GYPC: variants seen among roughly 807,000 people sequenced by gnomAD.
The protein encoded by GYPC is glycophorin-C.
GYPC carries 14 observed loss-of-function variants against 12.6 expected under a neutral mutation model. The ratio of observed to expected loss-of-function variants is 1.11; its 90% CI spans 0.74 to 1.74. The LOEUF is 1.74. Among genes scored for constraint, GYPC ranks in the 40% most tolerant of loss-of-function variants. GYPC has a pLI of 0.00. For missense variants in GYPC, 225 were observed against 172.1 expected (o/e 1.31, Z -1.72); for synonymous variants, 78 against 62.1 (o/e 1.26, Z -1.20).
rs1004586747 is a variant in GYPC at position 126,663,678 on chromosome 2, G to C, written c.49+7366G>C. Among the ~76,000 whole-genome samples the C allele has an allele frequency of 5.9e-5, 9 of 152,188 alleles. 1 individual carries two copies. The highest frequency in any genetic ancestry group is 1.3e-4 in the Non-Finnish European group (9 of 68,030). On this transcript the variant is annotated intron_variant, in intron 1 of 3. Transcript: ENST00000259254. ...TGTAGGCAAACAAGGTCTGCAAAGA[G>C]TGCCCTGGGCCCCAGCATTCACTGC...
chr2:126,690,357 C>T lies in GYPC; in HGVS notation c.106+46C>T, dbSNP rs377146080. 60 of 1,363,576 alleles carry T rather than the reference C, an allele frequency of 4.4e-5. 1 individual carries two copies. The highest frequency in any genetic ancestry group is 2.0e-4 in the Admixed American group (12 of 59,636). 84.5% of individuals were successfully genotyped at this position (1,363,576 alleles called of 1,614,324 possible). ...CTCACCATAATGGAAACTGCCGTGACTTCAGATGAGCTCTCATCACAGAGC... is the reference window on the plus strand; with the variant it reads ...CTCACCATAATGGAAACTGCCGTGATTTCAGATGAGCTCTCATCACAGAGC... On this transcript the variant is annotated intron_variant, in intron 2 of 3. Coordinates refer to ENST00000259254, the MANE Select transcript of GYPC (RefSeq NM_002101.5).
chr2:126,686,658 A>G, intron 1 of GYPC: 2 of 985,206 alleles, frequency 2.0e-6, no homozygotes, highest in Non-Finnish European at 2.4e-6. Context: ...AGGGTGTTGC[A>G]GGGGGCCGGG....
chr2:126,696,303 G>T lies in GYPC; in HGVS notation c.*161G>T, dbSNP rs1015041404. ...AAACACTAGGTGCCTGCCCAGGGAGGAACGGAGGAGGACTCGCGCTACAAG... is the reference window on the plus strand; with the variant it reads ...AAACACTAGGTGCCTGCCCAGGGAGTAACGGAGGAGGACTCGCGCTACAAG... On this transcript the variant is annotated 3_prime_UTR_variant, in exon 4 of 4. Coordinates refer to ENST00000259254, the MANE Select transcript of GYPC (RefSeq NM_002101.5). 4.4e-6 allele frequency: 3 copies of T among 686,296 alleles called. No homozygotes were observed. The highest frequency in any genetic ancestry group is 7.9e-6 in the Non-Finnish European group (3 of 381,950). 42.5% of individuals were successfully genotyped at this position (686,296 alleles called of 1,614,324 possible). A position where few individuals can be genotyped will look rare whatever the true frequency, so the allele number is the denominator to read the frequency against.
intron 3 of GYPC, 25 bp from the exon 4 acceptor site, chr2:126,695,921 C>A (rs149391424): frequency 2.3e-4 from 364 of 1,605,658 alleles, no homozygotes; most frequent in Non-Finnish European, 2.9e-4. Context: ...CTCAGACTGA[C>A]CCTTGCACCT....
At chr2:126,681,246 G>A (rs192330826) in intron 1 of GYPC, among the ~76,000 whole-genome samples, 3 of 152,014 alleles carry the variant, frequency 2.0e-5, no homozygotes, top group Admixed American at 1.3e-4. Flanking sequence ...TATTTAGAGG[G>A]TCCCGTTTTC....
At chr2:126,665,149 G>A (rs1401165168) in intron 1 of GYPC, among the ~76,000 whole-genome samples, 2 of 152,198 alleles carry the variant, frequency 1.3e-5, no homozygotes, top group African/African-American at 2.4e-5. Context: ...AGATCAAGAG[G>A]AAGGATGTAG....
chr2:126,668,056 T>G (rs910483505), intron 1 of GYPC, among the ~76,000 whole-genome samples: 1 of 152,156 alleles, frequency 6.6e-6, no homozygotes, highest in Non-Finnish European at 1.5e-5. Context: ...CAGGTAACAG[T>G]GCCAGGCTGC....
intron 1 of GYPC, among the ~76,000 whole-genome samples, chr2:126,684,542 C>G (rs1683233772): frequency 6.6e-6 from 1 of 152,190 alleles, no homozygotes; most frequent in African/African-American, 2.4e-5. Context: ...TTGGGGCCAC[C>G]TCTTCAGGAA....
At chr2:126,659,695 G>A (rs1682476124) in intron 1 of GYPC, among the ~76,000 whole-genome samples, 1 of 152,078 alleles carries the variant, frequency 6.6e-6, no homozygotes, top group African/African-American at 2.4e-5. Flanking sequence ...AACAAACTTA[G>A]ATGCCGAGCC....
At chr2:126,656,437 G>T (rs958767895) in intron 1 of GYPC, 125 bp downstream of exon 1, 1 of 779,884 alleles carries the variant, frequency 1.3e-6, no homozygotes, top group Non-Finnish European at 2.0e-6. Context: ...TCCAGGCGGA[G>T]GAGGCGTCCG....
At chr2:126,686,964 G>A (rs1683309882) in intron 1 of GYPC, among the ~76,000 whole-genome samples, 1 of 152,106 alleles carries the variant, frequency 6.6e-6, no homozygotes, top group Non-Finnish European at 1.5e-5. Flanking sequence ...CCCTTAAGCT[G>A]GATGCAGACC....
At chr2:126,675,708 T>C in intron 1 of GYPC, 1 of 984,796 alleles carries the variant, frequency 1.0e-6, no homozygotes, top group Non-Finnish European at 1.2e-6. Context: ...CTTCTTAGTC[T>C]GATCTTCAGG....
intron 1 of GYPC, among the ~76,000 whole-genome samples, chr2:126,680,827 A>G (rs571178903): frequency 1.3e-4 from 20 of 152,306 alleles, no homozygotes; most frequent in African/African-American, 4.3e-4. Context: ...ATGTGTGGAC[A>G]CGAGACTCAG....
intron 1 of GYPC, among the ~76,000 whole-genome samples, chr2:126,677,440 AGT>A (rs72008743): frequency 0.29 from 42,407 of 147,644 alleles, 6,208 homozygotes; most frequent in Non-Finnish European, 0.33. Flanking sequence ...AGAGAGTAGG[AGT>A]GTGTGTGTAT....
chr2:126,694,701 G>A (rs1683588464), intron 3 of GYPC, among the ~76,000 whole-genome samples: 1 of 151,984 alleles, frequency 6.6e-6, no homozygotes, highest in South Asian at 2.1e-4. Context: ...AGGAAGTTTA[G>A]GAAATTGTTC....
At chr2:126,672,117 G>A (rs1489043288) in intron 1 of GYPC, among the ~76,000 whole-genome samples, 1 of 152,172 alleles carries the variant, frequency 6.6e-6, no homozygotes, top group African/African-American at 2.4e-5. Flanking sequence ...AGGTGGACAG[G>A]TGAGGTGGTA....
At chr2:126,676,105 C>G in intron 1 of GYPC, among the ~76,000 whole-genome samples, 1 of 152,226 alleles carries the variant, frequency 6.6e-6, no homozygotes, top group East Asian at 1.9e-4. Flanking sequence ...ATTGAAGAAA[C>G]AGATCCACCC....
chr2:126,656,200 C>T lies in GYPC; in HGVS notation c.-64C>T. On this transcript the variant is annotated 5_prime_UTR_variant, in exon 1 of 4. Transcript: ENST00000259254. Reference sequence around the variant, plus strand: ...TCAGGAGCCCGGGAGCGCGACCCTCCCCCGGCCCGGCCTGGCCCGGCCTGG... The same window carrying T: ...TCAGGAGCCCGGGAGCGCGACCCTCTCCCGGCCCGGCCTGGCCCGGCCTGG... 1 of 1,545,700 alleles carries T rather than the reference C, an allele frequency of 6.5e-7. No individual in the cohort carries two copies. Among genetic ancestry groups the T allele is most frequent in the Non-Finnish European group, 8.7e-7 (1 of 1,146,702 alleles).
intron 1 of GYPC, chr2:126,686,007 G>T: frequency 1.0e-6 from 1 of 985,352 alleles, no homozygotes; most frequent in Non-Finnish European, 1.2e-6. Context: ...GGGACAGATG[G>T]ACAGGAGGAA....
Sources: allele counts gnomAD v4.1 joint callset (sites outside exome capture counted in the v4.1 genomes callset), GRCh38; gene constraint gnomAD v4.1.1; transcripts MANE v1.5; gene names NCBI Gene and HGNC (gene_info 2026-07-23, HGNC 2026-07-21).